GLCE: variants seen among roughly 807,000 people sequenced by gnomAD.
The protein encoded by GLCE is glucuronic acid epimerase, also known as D-glucuronyl C5-epimerase.
In GLCE, 19 loss-of-function variants were observed where a neutral mutation model predicts 47.9. The observed-to-expected ratio is 0.40, with a 90% CI of 0.28 to 0.58. GLCE has a LOEUF of 0.58. Ranked by LOEUF, GLCE falls within the 20% of genes least tolerant of loss-of-function variation. The pLI is 0.48. For missense variants in GLCE, 556 were observed against 743.3 expected, an observed-to-expected ratio of 0.75 and a Z score of 2.93; for synonymous variants, 245 against 263.4, an observed-to-expected ratio of 0.93 and a Z score of 0.68.
chr15:69,229,618 TA>T (rs1253266487), intron 2 of GLCE, among the ~76,000 whole-genome samples: 1 of 152,072 alleles, frequency 6.6e-6, no homozygotes, highest in African/African-American at 2.4e-5. Flanking sequence ...TTCACATAAG[TA>T]GAGGTTTTTT....
intron 1 of GLCE, among the ~76,000 whole-genome samples, chr15:69,188,702 C>T (rs1333626594): frequency 1.3e-5 from 2 of 152,070 alleles, no homozygotes; most frequent in African/African-American, 2.4e-5. Flanking sequence ...TCAAGTTGCT[C>T]ATGACGTTCT....
intron 3 of GLCE, among the ~76,000 whole-genome samples, chr15:69,259,180 A>T (rs1031499975): frequency 6.6e-6 from 1 of 152,152 alleles, no homozygotes; most frequent in African/African-American, 2.4e-5. Context: ...CCGTATTTTC[A>T]TGTTCTTTAC....
chr15:69,269,723 CT>C lies in GLCE; in HGVS notation c.*484del, dbSNP rs2053139778. 1 of 153,240 alleles carries C rather than the reference CT, an allele frequency of 6.5e-6. No homozygotes were observed. The highest frequency in any genetic ancestry group is 2.1e-4 in the South Asian group (1 of 4,834). The allele number at this position is 153,240 out of a possible 1,614,324, so 9.5% of individuals were successfully genotyped here. A position where few individuals can be genotyped will look rare whatever the true frequency, so the allele number is the denominator to read the frequency against. On this transcript the variant is annotated 3_prime_UTR_variant, in exon 5 of 5. Transcript: ENST00000261858. ...AGCCTGGATAGCAGACTGTGTTCAA[CT>C]TTTTAAAAAGATGTTTCCTTTCTAA... is the stretch of plus-strand genomic sequence containing the variant.
rs572877863 is a variant in GLCE at position 69,183,555 on chromosome 15, A to G, written c.-105+22798A>G. On this transcript the variant is annotated intron_variant, in intron 1 of 4. Transcript: ENST00000261858. ...TGCTAGACGCCATAACTCATACCCT[A>G]TAGTTCGACAATATATAGTCAATCA... is the stretch of plus-strand genomic sequence containing the variant. Among the ~76,000 whole-genome samples, 14 of 152,360 alleles carry G rather than the reference A, an allele frequency of 9.2e-5. No homozygotes were observed. The South Asian group carries it at 1.2e-3, about 14-fold the overall frequency.
intron 2 of GLCE, among the ~76,000 whole-genome samples, chr15:69,221,231 T>C (rs2052373039): frequency 6.6e-6 from 1 of 152,222 alleles, no homozygotes; most frequent in African/African-American, 2.4e-5. Flanking sequence ...TTTGAGGTCC[T>C]TTGAGATTCC....
chr15:69,195,433 T>C lies in GLCE; in HGVS notation c.-104-14883T>C, dbSNP rs555330263. Among the ~76,000 whole-genome samples the C allele has an allele frequency of 1.2e-4, 19 of 152,230 alleles. No individual in the cohort carries two copies. In the South Asian group the frequency reaches 3.1e-3, roughly 25 times the overall value. ...CTATGAAAGAATTGATAAAATCTCCTTAGAGTTTGTGTGTGTGTGTGTTTG... is the reference window on the plus strand; with the variant it reads ...CTATGAAAGAATTGATAAAATCTCCCTAGAGTTTGTGTGTGTGTGTGTTTG... On this transcript the variant is annotated intron_variant, in intron 1 of 4. Coordinates refer to ENST00000261858, the MANE Select transcript of GLCE (RefSeq NM_015554.3).
intron 2 of GLCE, among the ~76,000 whole-genome samples, chr15:69,216,423 G>A (rs1595760482): frequency 1.3e-5 from 2 of 152,126 alleles, no homozygotes; most frequent in East Asian, 3.9e-4. Context: ...TTAAACTTGG[G>A]CTACTTTATA....
chr15:69,169,746 G>A (rs970153292), intron 1 of GLCE, among the ~76,000 whole-genome samples: 3 of 152,034 alleles, frequency 2.0e-5, no homozygotes, highest in Non-Finnish European at 4.4e-5. Flanking sequence ...TTGCTGCATA[G>A]TGTTCCATGG....
chr15:69,244,588 ACATAT>A (rs1281612262), intron 2 of GLCE, among the ~76,000 whole-genome samples: 1 of 152,210 alleles, frequency 6.6e-6, no homozygotes, highest in Non-Finnish European at 1.5e-5. Context: ...ATACCCTGTG[ACATAT>A]CAGAGCACAG....
intron 2 of GLCE, among the ~76,000 whole-genome samples, chr15:69,249,598 A>G (rs1215435615): frequency 6.6e-6 from 1 of 152,244 alleles, no homozygotes; most frequent in African/African-American, 2.4e-5. Context: ...GATAAGAGAA[A>G]TAATAAGCAG....
chr15:69,242,635 T>C (rs1240731566), intron 2 of GLCE, among the ~76,000 whole-genome samples: 1 of 152,160 alleles, frequency 6.6e-6, no homozygotes, highest in Non-Finnish European at 1.5e-5. Context: ...CAACTTTCCT[T>C]CTACTAGTAT....
At position 69,233,334 on chromosome 15, in the gene GLCE, C is replaced by A. The variant is rs527338739; in HGVS notation, c.-13-22460C>A. 1.2e-4 allele frequency among the ~76,000 whole-genome samples: 19 copies of A among 152,238 alleles called. No individual in the cohort carries two copies. The South Asian group carries it at 3.5e-3, about 28-fold the overall frequency. The stretch of plus-strand genomic sequence containing the variant: ...TGACTAACATGGAGAAAAGAGAAAT[C>A]AAAATTTTATTGACTTTATGTTTGT... On this transcript the variant is annotated intron_variant, in intron 2 of 4. Coordinates refer to ENST00000261858, the MANE Select transcript of GLCE (RefSeq NM_015554.3).
At chr15:69,192,669 G>GT (rs2051930719) in intron 1 of GLCE, among the ~76,000 whole-genome samples, 1 of 151,906 alleles carries the variant, frequency 6.6e-6, no homozygotes, top group African/African-American at 2.4e-5. Context: ...AAGGATGTTA[G>GT]TTTTTTTCTA....
At chr15:69,209,974 A>C (rs2140374093) in intron 1 of GLCE, among the ~76,000 whole-genome samples, 1 of 152,188 alleles carries the variant, frequency 6.6e-6, no homozygotes, top group South Asian at 2.1e-4. Flanking sequence ...AGAGAAAAAA[A>C]CGGGGGGATT....
intron 4 of GLCE, among the ~76,000 whole-genome samples, chr15:69,261,891 C>T (rs2053020831): frequency 6.6e-6 from 1 of 152,132 alleles, no homozygotes; most frequent in Non-Finnish European, 1.5e-5. Flanking sequence ...TGCAACATTT[C>T]CCCTTTTACT....
intron 1 of GLCE, among the ~76,000 whole-genome samples, chr15:69,196,029 G>T (rs994519683): frequency 2.6e-5 from 4 of 152,086 alleles, no homozygotes; most frequent in African/African-American, 7.2e-5. Flanking sequence ...AGGGGATGGG[G>T]GAGTGTTGGA....
intron 1 of GLCE, among the ~76,000 whole-genome samples, chr15:69,169,381 A>G (rs2051552854): frequency 6.6e-6 from 1 of 152,154 alleles, no homozygotes; most frequent in African/African-American, 2.4e-5. Context: ...CTCCATATAT[A>G]TACACACATA....
chr15:69,169,403 T>G (rs1566945508), intron 1 of GLCE, among the ~76,000 whole-genome samples: 1 of 151,696 alleles, frequency 6.6e-6, no homozygotes, highest in East Asian at 1.9e-4. Context: ...ACACACATAA[T>G]TCTTTTTTTT....
At chr15:69,265,842 G>T (rs757933075) in intron 4 of GLCE, among the ~76,000 whole-genome samples, 13 of 152,134 alleles carry the variant, frequency 8.5e-5, no homozygotes, top group Admixed American at 2.0e-4. Flanking sequence ...GGCCAGAATA[G>T]ACGTCATAGT....
Sources: gnomAD v4.1 joint callset for allele counts (sites outside exome capture counted in the v4.1 genomes callset) on GRCh38, gnomAD v4.1.1 for gene constraint, MANE v1.5 for transcripts, NCBI Gene and HGNC (gene_info 2026-07-23, HGNC 2026-07-21) for gene names.